ARHGEF10: variants seen among roughly 807,000 people sequenced by gnomAD.
ARHGEF10 encodes Rho guanine nucleotide exchange factor 10.
Under a neutral mutation model 147.4 loss-of-function variants are expected in ARHGEF10, and 140 were observed. That is an observed-to-expected ratio of 0.95 (90% CI 0.83 to 1.09). ARHGEF10 has a LOEUF of 1.09. ARHGEF10 is among the 50% of genes least tolerant of loss of function. The pLI, the probability that ARHGEF10 is intolerant of heterozygous loss-of-function variation, is 0.00. For missense variants in ARHGEF10, 2,222 were observed against 1,752.7 expected, an observed-to-expected ratio of 1.27 and a Z score of -4.78; for synonymous variants, 902 against 695.8, an observed-to-expected ratio of 1.30 and a Z score of -4.67.
Position 1,866,598 on chromosome 8 carries a change from G to GGA in ARHGEF10, c.622_622+1dup. 6.2e-7 allele frequency: 1 copy of GGA among 1,604,934 alleles called. No homozygotes were observed. The highest frequency in any genetic ancestry group is 1.1e-5 in the South Asian group (1 of 91,076). ...CAGACCCGGCCAACACAGCCTGGAT[G>GGA]GAGAGTAAGTTCCCCAGCTGCCCAC... is the stretch of plus-strand genomic sequence containing the variant. On this transcript the variant is annotated frameshift_variant, in exon 6 of 29. Coordinates refer to ENST00000349830, the MANE Select transcript of ARHGEF10 (RefSeq NM_014629.4). LOFTEE classifies it high-confidence loss of function.
At chr8:1,881,937 G>A (rs1056614389) in intron 9 of ARHGEF10, among the ~76,000 whole-genome samples, 1 of 152,196 alleles carries the variant, frequency 6.6e-6, no homozygotes, top group Non-Finnish European at 1.5e-5. Flanking sequence ...GGTTTTTAAG[G>A]AATAAGAAAT....
chr8:1,855,668 G>A (rs886335843), intron 2 of ARHGEF10, among the ~76,000 whole-genome samples: 2 of 151,866 alleles, frequency 1.3e-5, no homozygotes, highest in African/African-American at 4.8e-5. Flanking sequence ...GGGATTACAC[G>A]TGTGAGCCCC....
At chr8:1,936,550 GA>G (rs1326283369) in intron 26 of ARHGEF10, among the ~76,000 whole-genome samples, 3 of 152,118 alleles carry the variant, frequency 2.0e-5, no homozygotes, top group African/African-American at 7.2e-5. Flanking sequence ...AATGTCACAG[GA>G]AAGTGTCTTC....
rs530003445 is a variant in ARHGEF10, at chr8:1,943,595, G to C, written c.3223-1886G>C. On this transcript the variant is annotated intron_variant, in intron 26 of 28. Coordinates refer to ENST00000349830, the MANE Select transcript of ARHGEF10 (RefSeq NM_014629.4). The stretch of plus-strand genomic sequence containing the variant: ...ACTGTGAAGATCCTGTGAAGCTTCA[G>C]TTCATAAAAACACTTGGGATCTTTG... 1.0e-3 allele frequency: 155 copies of C among 152,324 alleles called. 1 individual carries two copies. Among genetic ancestry groups the C allele is most frequent in the African/African-American group, 3.5e-3 (146 of 41,574 alleles). The allele number at this position is 152,324 out of a possible 1,614,324, so 9.4% of individuals were successfully genotyped here.
chr8:1,831,998 G>C (rs1304693936), intron 1 of ARHGEF10, among the ~76,000 whole-genome samples: 2 of 152,178 alleles, frequency 1.3e-5, no homozygotes, highest in African/African-American at 4.8e-5. Flanking sequence ...CTGTGGGTGT[G>C]GCCGCTGGGG....
intron 11 of ARHGEF10, among the ~76,000 whole-genome samples, chr8:1,892,880 C>T (rs1345967737): frequency 6.6e-6 from 1 of 152,078 alleles, no homozygotes; most frequent in Non-Finnish European, 1.5e-5. Context: ...AAATGCCGGG[C>T]GTCCTCATAG....
intron 2 of ARHGEF10, among the ~76,000 whole-genome samples, chr8:1,852,221 C>G (rs1231019863): frequency 2.0e-5 from 3 of 151,886 alleles, no homozygotes; most frequent in African/African-American, 7.3e-5. Flanking sequence ...TCTCCATCAT[C>G]CTGGAGAGGA....
At chr8:1,879,979 A>C in intron 8 of ARHGEF10, 69 bp from the exon 9 acceptor site, 1 of 1,082,142 alleles carries the variant, frequency 9.2e-7, no homozygotes, top group Non-Finnish European at 1.4e-6. Context: ...GCATCCTCTC[A>C]ATGTAAAATT....
At chr8:1,885,546 G>A (rs1322291122) in intron 10 of ARHGEF10, 55 bp from the exon 11 acceptor site, 2 of 1,268,802 alleles carry the variant, frequency 1.6e-6, no homozygotes, top group Non-Finnish European at 2.3e-6. Flanking sequence ...GTACTGTAGT[G>A]TTGTGAATAT....
At chr8:1,913,030 T>TG (rs992651548) in intron 18 of ARHGEF10, among the ~76,000 whole-genome samples, 6 of 152,042 alleles carry the variant, frequency 3.9e-5, no homozygotes, top group Middle Eastern at 6.8e-3. Context: ...TGCCATTCTG[T>TG]GGGGGGGTTT....
At chr8:1,837,586 C>A (rs983587700) in intron 1 of ARHGEF10, among the ~76,000 whole-genome samples, 1 of 152,174 alleles carries the variant, frequency 6.6e-6, no homozygotes, top group African/African-American at 2.4e-5. Flanking sequence ...CACAAAGCCA[C>A]GTGGCTGTTA....
At chr8:1,911,759 C>T (rs1464834667) in intron 18 of ARHGEF10, among the ~76,000 whole-genome samples, 1 of 152,152 alleles carries the variant, frequency 6.6e-6, no homozygotes, top group East Asian at 1.9e-4. Context: ...AATGACGTCC[C>T]TTCACTCTGC....
rs1399578430 is a variant in ARHGEF10 at position 1,861,133 on chromosome 8, A to G, written c.481+949A>G. ...TCCGGTCTCTGTGTCCTCAGCGCTG[A>G]CAGCTCCATTTCGAGTCTGCTTCCT... is the stretch of plus-strand genomic sequence containing the variant. On this transcript the variant is annotated intron_variant, in intron 4 of 28. Transcript: ENST00000349830. Among the ~76,000 whole-genome samples the G allele has an allele frequency of 3.9e-5, 6 of 152,314 alleles. No homozygotes were observed. In the East Asian group the frequency reaches 1.2e-3, roughly 29 times the overall value.
intron 7 of ARHGEF10, chr8:1,869,821 A>G (rs1439688847): frequency 5.8e-6 from 1 of 172,846 alleles, no homozygotes; most frequent in Admixed American, 5.6e-5. Flanking sequence ...ACTGACCCAC[A>G]GGCTGGGGGC....
intron 14 of ARHGEF10, among the ~76,000 whole-genome samples, chr8:1,897,729 C>T (rs1810119709): frequency 1.3e-5 from 2 of 152,212 alleles, no homozygotes. Flanking sequence ...CTTAAGAGCT[C>T]ACTCCCTCTG....
At position 1,864,367 on chromosome 8, in the gene ARHGEF10, C is replaced by G. The variant is rs145413883; in HGVS notation, c.482-6C>G. The G allele has an allele frequency of 4.3e-4, 698 of 1,614,042 alleles. 2 individuals carry two copies. In the African/African-American group the frequency reaches 8.3e-3, roughly 19 times the overall value. The stretch of plus-strand genomic sequence containing the variant: ...AAGCAGCATCACATATTTTCTTTCC[C>G]AGCAGAAACACCAGAAGTCACAGAA... On this transcript the variant is annotated splice_polypyrimidine_tract_variant and splice_region_variant and intron_variant, in intron 4 of 28. Coordinates refer to ENST00000349830, the MANE Select transcript of ARHGEF10 (RefSeq NM_014629.4).
rs1468221251 is a variant in ARHGEF10 at position 1,858,112 on chromosome 8, A to ACAGGTGAGTTTCCAGGAGGGTCCC, written c.193+7_193+30dup. 40 of 1,505,774 alleles carry ACAGGTGAGTTTCCAGGAGGGTCCC rather than the reference A, an allele frequency of 2.7e-5. No individual in the cohort carries two copies. Among genetic ancestry groups the ACAGGTGAGTTTCCAGGAGGGTCCC allele is most frequent in the Middle Eastern group, 1.8e-4 (1 of 5,690 alleles). The allele number at this position is 1,505,774 out of a possible 1,614,324, so 93.3% of individuals were successfully genotyped here. A position where few individuals can be genotyped will look rare whatever the true frequency, so the allele number is the denominator to read the frequency against. The stretch of plus-strand genomic sequence containing the variant: ...TGGAGCCAGTGAAGCCCCTGCACCC[A>ACAGGTGAGTTTCCAGGAGGGTCCC]CAGGTGAGTTTCCAGGAGGGTCCCC... On this transcript the variant is annotated inframe_insertion, in exon 3 of 29. Coordinates refer to ENST00000349830, the MANE Select transcript of ARHGEF10 (RefSeq NM_014629.4).
chr8:1,937,488 G>A lies in ARHGEF10; in HGVS notation c.3222+3546G>A, dbSNP rs1813711801. 6.6e-6 allele frequency among the ~76,000 whole-genome samples: 1 copy of A among 152,198 alleles called. No homozygotes were observed. Among genetic ancestry groups the A allele is most frequent in the Non-Finnish European group, 1.5e-5 (1 of 68,030 alleles). On this transcript the variant is annotated intron_variant, in intron 26 of 28. Transcript: ENST00000349830. This position sits in a 1 kb window ranked among gnomAD's most constrained non-coding sequence, Gnocchi z 4.9. ...TCAGGCTGCTTGTAATTTATATGCTGTAAATCTCGAAGACTCAGAGAGAAG... is the reference window on the plus strand; with the variant it reads ...TCAGGCTGCTTGTAATTTATATGCTATAAATCTCGAAGACTCAGAGAGAAG...
At chr8:1,887,125 A>G (rs919410928) in intron 11 of ARHGEF10, among the ~76,000 whole-genome samples, 2 of 152,202 alleles carry the variant, frequency 1.3e-5, no homozygotes, top group African/African-American at 4.8e-5. Flanking sequence ...CATGTGGGGT[A>G]CCTATTCTGG....
Sources: allele counts gnomAD v4.1 joint callset (sites outside exome capture counted in the v4.1 genomes callset), GRCh38; gene constraint gnomAD v4.1.1; non-coding constraint Gnocchi (gnomAD v3.1); transcripts MANE v1.5; gene names NCBI Gene and HGNC (gene_info 2026-07-23, HGNC 2026-07-21).